The following SMC3 variants were observed in gnomAD, a reference collection of about 807,000 sequenced individuals.
SMC3 encodes the protein structural maintenance of chromosomes protein 3.
SMC3 carries 20 observed loss-of-function variants against 171.8 expected under a neutral mutation model. The observed-to-expected ratio is 0.12, with a 90% CI of 0.08 to 0.17. The LOEUF is 0.17. Ranked by LOEUF, SMC3 falls within the 10% of genes least tolerant of loss-of-function variation. The probability of loss-of-function intolerance (pLI) is 1.00; values close to 1 mark genes in which losing one functional copy is unlikely to be tolerated. For missense variants in SMC3, 543 were observed against 1,420.4 expected (o/e 0.38, Z 9.93); for synonymous variants, 464 against 451.1 (o/e 1.03, Z -0.36).
In SMC3 at chr10:110,583,834, T is replaced by G. The variant is rs369271480; in HGVS notation, c.970-7T>G. On this transcript the variant is annotated splice_region_variant and splice_polypyrimidine_tract_variant and intron_variant, in intron 11 of 28. Transcript: ENST00000361804. ...TAAAGCAGTTTGCATTTTTACTTTGTTTACAGAAACGTTTATTAAAAGAGA... is the reference window on the plus strand; with the variant it reads ...TAAAGCAGTTTGCATTTTTACTTTGGTTACAGAAACGTTTATTAAAAGAGA... The G allele has an allele frequency of 3.7e-6, 6 of 1,612,080 alleles. No homozygotes were observed. The African/African-American group carries it at 6.7e-5, about 18-fold the overall frequency.
chr10:110,601,544 T>G, intron 23 of SMC3, 93 bp from the exon 24 acceptor site: 1 of 1,349,058 alleles, frequency 7.4e-7, no homozygotes, highest in Non-Finnish European at 1.0e-6. Context: ...ACCTAAAACC[T>G]ATTTTGGTAG....
In SMC3 at chr10:110,605,697, TTCTA is replaced by T. The variant is rs1267175892; in HGVS notation, c.*1401_*1404del. On this transcript the variant is annotated 3_prime_UTR_variant, in exon 29 of 29. Transcript: ENST00000361804. ...TCTATAATAGAGAATTTGGTATATG[TTCTA>T]TCTATGACTACATTCAAAGGGTTAC... 2.0e-5 allele frequency among the ~76,000 whole-genome samples: 3 copies of T among 152,198 alleles called. No homozygotes were observed. The highest frequency in any genetic ancestry group is 7.2e-5 in the African/African-American group (3 of 41,460).
intron 19 of SMC3, among the ~76,000 whole-genome samples, chr10:110,597,916 A>C (rs927426577): frequency 6.6e-6 from 1 of 152,208 alleles, no homozygotes; most frequent in Admixed American, 6.5e-5. Context: ...AACAGTATAC[A>C]TGTTATTCTG....
chr10:110,572,231 A>T (rs1860883228), intron 2 of SMC3, among the ~76,000 whole-genome samples: 1 of 152,138 alleles, frequency 6.6e-6, no homozygotes, highest in Non-Finnish European at 1.5e-5. Flanking sequence ...TCTGACTTTA[A>T]TGTGTACTTT....
intron 2 of SMC3, among the ~76,000 whole-genome samples, chr10:110,571,934 C>T (rs1480324825): frequency 3.3e-5 from 5 of 151,958 alleles, no homozygotes; most frequent in Admixed American, 1.3e-4. Context: ...ATATAGTGTT[C>T]CACTCTAGCA....
At position 110,604,863 on chromosome 10, in the gene SMC3, A is replaced by G. The variant is rs1053498862; in HGVS notation, c.*561A>G. On this transcript the variant is annotated 3_prime_UTR_variant, in exon 29 of 29. Coordinates refer to ENST00000361804, the MANE Select transcript of SMC3 (RefSeq NM_005445.4). ...ATTTATCATTGATACATTACTATCA[A>G]CTAAGCTCAAGATTTTATTCAGATT... Among the ~76,000 whole-genome samples the G allele has an allele frequency of 4.6e-5, 7 of 152,320 alleles. No homozygotes were observed. In the East Asian group the frequency reaches 7.7e-4, roughly 17 times the overall value.
chr10:110,599,476 T>C (rs1250038466), intron 20 of SMC3, among the ~76,000 whole-genome samples, 178 bp from the exon 21 acceptor site: 4 of 152,226 alleles, frequency 2.6e-5, no homozygotes, highest in Non-Finnish European at 4.4e-5. Context: ...GCCCCACCTA[T>C]ACTATTACAT....
At chr10:110,593,734 C>T (rs184041170) in intron 18 of SMC3, among the ~76,000 whole-genome samples, 95 of 150,284 alleles carry the variant, frequency 6.3e-4, no homozygotes, top group African/African-American at 2.3e-3. Context: ...CTATATATAA[C>T]CCCAGCACTT....
intron 25 of SMC3, 134 bp from the exon 26 acceptor site, chr10:110,602,340 C>T: frequency 3.1e-6 from 3 of 956,766 alleles, no homozygotes; most frequent in Non-Finnish European, 4.9e-6. Flanking sequence ...ATGTTTTACA[C>T]AGCCCTTAGA....
chr10:110,594,512 C>A (rs1333973183), intron 18 of SMC3, among the ~76,000 whole-genome samples: 4 of 151,820 alleles, frequency 2.6e-5, no homozygotes, highest in Non-Finnish European at 5.9e-5. Flanking sequence ...TTGTCGTGTT[C>A]GTTATAGAAG....
intron 2 of SMC3, 57 bp downstream of exon 2, chr10:110,569,070 C>T: frequency 3.6e-6 from 4 of 1,112,236 alleles, no homozygotes; most frequent in Non-Finnish European, 5.5e-6. Flanking sequence ...AATGTAAATT[C>T]TGTCCATTTC....
chr10:110,585,341 G>A (rs1861095034), intron 13 of SMC3, among the ~76,000 whole-genome samples: 1 of 148,458 alleles, frequency 6.7e-6, no homozygotes, highest in Non-Finnish European at 1.5e-5. Context: ...CCAGTCTGGA[G>A]TGCAGTGGCA....
At chr10:110,597,688 A>G (rs569609083) in intron 19 of SMC3, among the ~76,000 whole-genome samples, 1 of 152,370 alleles carries the variant, frequency 6.6e-6, no homozygotes, top group African/African-American at 2.4e-5. Context: ...TTGACAGTGT[A>G]TACCAGCTGT....
intron 6 of SMC3, 57 bp downstream of exon 6, chr10:110,577,971 T>G: frequency 8.5e-7 from 1 of 1,182,256 alleles, no homozygotes; most frequent in South Asian, 1.2e-5. Context: ...AGAGATGGGG[T>G]ATTGCTGTGT....
intron 13 of SMC3, among the ~76,000 whole-genome samples, chr10:110,587,767 A>C (rs1406222647): frequency 6.6e-6 from 1 of 152,182 alleles, no homozygotes; most frequent in Non-Finnish European, 1.5e-5. Flanking sequence ...TTAGGACTGT[A>C]AAAGTTGAAA....
At position 110,596,570 on chromosome 10, in the gene SMC3, A is replaced by G. The variant is rs749988258; in HGVS notation, c.2116+20A>G. 3 of 1,609,290 alleles carry G rather than the reference A, an allele frequency of 1.9e-6. No homozygotes were observed. The South Asian group carries it at 3.3e-5, about 18-fold the overall frequency. On this transcript the variant is annotated intron_variant, in intron 19 of 28. Transcript: ENST00000361804. ...TTGAAAATATCTTTTTGTTTTGTGCATAGTGATAGATATTGTGGGGGAAGA... is the reference window on the plus strand; with the variant it reads ...TTGAAAATATCTTTTTGTTTTGTGCGTAGTGATAGATATTGTGGGGGAAGA...
In SMC3 at chr10:110,602,822, T is replaced by A; in HGVS notation, c.3298-3T>A. ...TATTAACTCATAATATGTTTATTTT[T>A]AGGTGTCATTTACAGGAAAACAAGG... On this transcript the variant is annotated splice_region_variant and splice_polypyrimidine_tract_variant and intron_variant, in intron 26 of 28. Coordinates refer to ENST00000361804, the MANE Select transcript of SMC3 (RefSeq NM_005445.4). 6.2e-7 allele frequency: 1 copy of A among 1,613,542 alleles called. No individual in the cohort carries two copies. The highest frequency in any genetic ancestry group is 8.5e-7 in the Non-Finnish European group (1 of 1,179,480).
chr10:110,581,479 A>G (rs539454150), intron 8 of SMC3, among the ~76,000 whole-genome samples: 92 of 152,262 alleles, frequency 6.0e-4, no homozygotes, highest in African/African-American at 2.2e-3. Context: ...TTGGCCTCTC[A>G]AAGTGCTGGG....
At chr10:110,569,614 C>A (rs1352865043) in intron 2 of SMC3, among the ~76,000 whole-genome samples, 3 of 151,954 alleles carry the variant, frequency 2.0e-5, no homozygotes, top group Admixed American at 2.0e-4. Flanking sequence ...CACATGTATC[C>A]TAGTATAACA....
Sources: gnomAD v4.1 joint callset for allele counts (sites outside exome capture counted in the v4.1 genomes callset) on GRCh38, gnomAD v4.1.1 for gene constraint, MANE v1.5 for transcripts, NCBI Gene and HGNC (gene_info 2026-07-23, HGNC 2026-07-21) for gene names.